NCAM2: variants seen among roughly 807,000 people sequenced by gnomAD.
NCAM2 encodes the protein neural cell adhesion molecule 2, also known as N-CAM-2.
In NCAM2, 30 loss-of-function variants were observed where a neutral mutation model predicts 98.1. That is an observed-to-expected ratio of 0.31 (90% CI 0.23 to 0.41). NCAM2 has a LOEUF of 0.41. NCAM2 is among the 10% of genes least tolerant of loss of function. NCAM2 has a pLI of 1.00. For missense variants in NCAM2, 867 were observed against 1,005.8 expected (o/e 0.86, Z 1.87); for synonymous variants, 368 against 342.4 (o/e 1.07, Z -0.83).
At chr21:21,225,925 C>T (rs1464830407) in intron 1 of NCAM2, among the ~76,000 whole-genome samples, 1 of 151,974 alleles carries the variant, frequency 6.6e-6, no homozygotes, top group African/African-American at 2.4e-5. Context: ...GGATCAACCT[C>T]GGTGGCTATC....
chr21:21,408,944 A>ATCC (rs766604255), intron 9 of NCAM2, among the ~76,000 whole-genome samples: 1 of 150,814 alleles, frequency 6.6e-6, no homozygotes. Flanking sequence ...TTATATAATT[A>ATCC]GTAGATATAA....
chr21:21,066,980 G>A (rs2146348047), intron 1 of NCAM2, among the ~76,000 whole-genome samples: 1 of 152,012 alleles, frequency 6.6e-6, no homozygotes, highest in South Asian at 2.1e-4. Flanking sequence ...TTAACTAAAT[G>A]TTATATTGCT....
chr21:21,349,555 A>G (rs778106266), intron 8 of NCAM2, among the ~76,000 whole-genome samples: 4 of 152,280 alleles, frequency 2.6e-5, no homozygotes, highest in East Asian at 3.9e-4. Context: ...TAGCTACTCT[A>G]TGATTCAACA....
chr21:21,006,789 A>G (rs2064120933), intron 1 of NCAM2, among the ~76,000 whole-genome samples: 4 of 152,132 alleles, frequency 2.6e-5, no homozygotes, highest in Admixed American at 2.6e-4. Flanking sequence ...CTGCTGAAAA[A>G]TGATGTTTGT....
At chr21:21,115,993 C>G (rs866568881) in intron 1 of NCAM2, among the ~76,000 whole-genome samples, 18 of 116,854 alleles carry the variant, frequency 1.5e-4, no homozygotes, top group African/African-American at 4.1e-4. Flanking sequence ...GTGTGTGTGT[C>G]TGTCTGTCTT....
At chr21:21,350,105 G>A (rs2075294794) in intron 8 of NCAM2, among the ~76,000 whole-genome samples, 1 of 151,954 alleles carries the variant, frequency 6.6e-6, no homozygotes, top group South Asian at 2.1e-4. Flanking sequence ...ATGCTTGAGG[G>A]AATGAATACC....
chr21:21,118,290 T>C (rs2066604426), intron 1 of NCAM2, among the ~76,000 whole-genome samples: 1 of 152,192 alleles, frequency 6.6e-6, no homozygotes. Context: ...AATACATGCC[T>C]GTCCTAACGA....
chr21:21,166,013 C>T (rs1226059353), intron 1 of NCAM2, among the ~76,000 whole-genome samples: 1 of 152,152 alleles, frequency 6.6e-6, no homozygotes. Flanking sequence ...GGGACCCCCG[C>T]TGTGATGCCT....
intron 1 of NCAM2, among the ~76,000 whole-genome samples, chr21:21,230,508 T>G (rs1363346633): frequency 1.3e-5 from 2 of 151,436 alleles, no homozygotes; most frequent in Admixed American, 1.3e-4. Context: ...CACCATATGC[T>G]TTCATCCTAT....
At chr21:21,046,853 C>T (rs2065014627) in intron 1 of NCAM2, among the ~76,000 whole-genome samples, 1 of 152,102 alleles carries the variant, frequency 6.6e-6, no homozygotes, top group African/African-American at 2.4e-5. Context: ...GAGAAAAAAG[C>T]AGACAAGCAC....
intron 1 of NCAM2, among the ~76,000 whole-genome samples, chr21:21,155,066 A>G (rs1341542134): frequency 6.6e-6 from 1 of 151,728 alleles, no homozygotes. Flanking sequence ...AGTATTGCAA[A>G]CAAGATTTTG....
At chr21:21,507,096 A>G (rs1988027306) in intron 15 of NCAM2, among the ~76,000 whole-genome samples, 1 of 151,972 alleles carries the variant, frequency 6.6e-6, no homozygotes, top group Non-Finnish European at 1.5e-5. Flanking sequence ...AAAATAACTT[A>G]AACCTATTTT....
chr21:21,328,761 A>G (rs1361259831), intron 6 of NCAM2, among the ~76,000 whole-genome samples: 1 of 151,926 alleles, frequency 6.6e-6, no homozygotes, highest in Non-Finnish European at 1.5e-5. Flanking sequence ...GCTAAGGTGA[A>G]TTTATTATTG....
intron 16 of NCAM2, among the ~76,000 whole-genome samples, chr21:21,527,333 G>A (rs1349564694): frequency 6.6e-6 from 1 of 151,862 alleles, no homozygotes; most frequent in Non-Finnish European, 1.5e-5. Context: ...GGATGGTCTC[G>A]AACTCCTGAC....
intron 1 of NCAM2, among the ~76,000 whole-genome samples, chr21:21,159,080 T>C (rs1338663298): frequency 6.6e-6 from 1 of 152,072 alleles, no homozygotes; most frequent in Non-Finnish European, 1.5e-5. Context: ...TAATGGCTAA[T>C]GTGTGTTTGT....
At chr21:21,002,557 G>A (rs1272436852) in intron 1 of NCAM2, among the ~76,000 whole-genome samples, 2 of 152,052 alleles carry the variant, frequency 1.3e-5, no homozygotes, top group East Asian at 3.9e-4. Context: ...TAACAGGATC[G>A]ACAATCTGAA....
At chr21:21,301,731 C>T (rs1187984113) in intron 5 of NCAM2, among the ~76,000 whole-genome samples, 1 of 151,362 alleles carries the variant, frequency 6.6e-6, no homozygotes, top group African/African-American at 2.4e-5. Flanking sequence ...TTTTTTATGG[C>T]TGCATAGTAT....
At chr21:21,357,793 A>C (rs1568974670) in intron 8 of NCAM2, among the ~76,000 whole-genome samples, 1 of 152,214 alleles carries the variant, frequency 6.6e-6, no homozygotes, top group Non-Finnish European at 1.5e-5. Flanking sequence ...GACAAATAAA[A>C]AAACAAATAA....
chr21:21,259,961 CACACA>C (rs1161070486), intron 1 of NCAM2, among the ~76,000 whole-genome samples: 1 of 97,606 alleles, frequency 1.0e-5, no homozygotes, highest in African/African-American at 3.8e-5. Flanking sequence ...CACACACACA[CACACA>C]AAGGATTCAG....
Sources: gnomAD v4.1 joint callset for allele counts (sites outside exome capture counted in the v4.1 genomes callset) on GRCh38, gnomAD v4.1.1 for gene constraint, MANE v1.5 for transcripts, NCBI Gene and HGNC (gene_info 2026-07-23, HGNC 2026-07-21) for gene names.